Variants in PKNOX2 observed in about 807,000 individuals in gnomAD.
PKNOX2 encodes PBX/knotted 1 homeobox 2, also known as homeobox protein PKNOX2.
PKNOX2 carries 14 observed loss-of-function variants against 53.1 expected under a neutral mutation model. That is an observed-to-expected ratio of 0.26 (90% CI 0.17 to 0.41). The LOEUF (loss-of-function observed/expected upper bound fraction) is 0.41, where lower values mean the gene tolerates loss of function less well. PKNOX2 is among the 10% of genes least tolerant of loss of function. The probability of loss-of-function intolerance (pLI) is 1.00; values close to 1 mark genes in which losing one functional copy is unlikely to be tolerated. For missense variants in PKNOX2, 496 were observed against 602.8 expected, an observed-to-expected ratio of 0.82 and a Z score of 1.85; for synonymous variants, 257 against 242.8, an observed-to-expected ratio of 1.06 and a Z score of -0.54.
chr11:125,409,729 C>G (rs1297860690), intron 7 of PKNOX2, among the ~76,000 whole-genome samples: 2 of 152,014 alleles, frequency 1.3e-5, no homozygotes, highest in Non-Finnish European at 2.9e-5. Context: ...CAGGTGAAGC[C>G]ATTTTCTCAG....
chr11:125,225,963 C>A (rs1941647130), intron 1 of PKNOX2, among the ~76,000 whole-genome samples: 1 of 152,212 alleles, frequency 6.6e-6, no homozygotes, highest in Non-Finnish European at 1.5e-5. Flanking sequence ...CAACCTGTAG[C>A]CCATCCACAT....
intron 2 of PKNOX2, among the ~76,000 whole-genome samples, chr11:125,309,386 A>AG (rs1948668035): frequency 7.7e-6 from 1 of 129,598 alleles, no homozygotes; most frequent in Non-Finnish European, 1.6e-5. Context: ...TAACAGTACC[A>AG]ATTTTTTTTT....
chr11:125,302,450 C>A (rs182706909), intron 2 of PKNOX2, among the ~76,000 whole-genome samples: 8 of 152,334 alleles, frequency 5.3e-5, no homozygotes, highest in African/African-American at 1.9e-4. Context: ...GGGCTGCACA[C>A]TACCCCTCAC....
chr11:125,259,890 T>TA (rs1944704185), intron 2 of PKNOX2, among the ~76,000 whole-genome samples: 3 of 151,926 alleles, frequency 2.0e-5, no homozygotes, highest in Admixed American at 2.0e-4. Context: ...TTTTTTTTTT[T>TA]TAAAGAGACA....
intron 1 of PKNOX2, among the ~76,000 whole-genome samples, chr11:125,174,725 C>A (rs1398136001): frequency 6.6e-6 from 1 of 152,050 alleles, no homozygotes; most frequent in African/African-American, 2.4e-5. Flanking sequence ...CTGCAGAGTC[C>A]CCCAGCTTCC....
intron 5 of PKNOX2, among the ~76,000 whole-genome samples, chr11:125,377,896 C>T (rs1222438986): frequency 6.6e-6 from 1 of 152,228 alleles, no homozygotes; most frequent in African/African-American, 2.4e-5. Flanking sequence ...GCTGGACAAG[C>T]TTGATCTAGG....
In PKNOX2 at chr11:125,170,655, C is replaced by T. The variant is rs907355172; in HGVS notation, c.-201+5879C>T. Among the ~76,000 whole-genome samples, 11 of 152,318 alleles carry T rather than the reference C, an allele frequency of 7.2e-5. No homozygotes were observed. In the South Asian group the frequency reaches 1.7e-3, roughly 23 times the overall value. On this transcript the variant is annotated intron_variant, in intron 1 of 12. Transcript: ENST00000298282. ...CCCGGCCTGCCTGGGTTTCTAATTA[C>T]AAGAAGGACGTTTCTGCTAAGACCT...
chr11:125,167,452 C>G (rs1027681020), intron 1 of PKNOX2, among the ~76,000 whole-genome samples: 9 of 151,992 alleles, frequency 5.9e-5, no homozygotes, highest in Non-Finnish European at 1.0e-4. Context: ...GCTGAGAGCC[C>G]GAGGGGGGAG....
intron 2 of PKNOX2, among the ~76,000 whole-genome samples, chr11:125,269,556 C>G (rs1481005373): frequency 6.6e-6 from 1 of 152,214 alleles, no homozygotes; most frequent in Non-Finnish European, 1.5e-5. Flanking sequence ...GGCAGAGGCA[C>G]GACCAAGTCT....
chr11:125,392,656 C>T (rs533562365), intron 6 of PKNOX2, among the ~76,000 whole-genome samples: 1 of 152,094 alleles, frequency 6.6e-6, no homozygotes, highest in South Asian at 2.1e-4. Context: ...GTTTTACTTA[C>T]CTGTATTTTC....
intron 1 of PKNOX2, among the ~76,000 whole-genome samples, chr11:125,224,002 C>T (rs6590140): frequency 0.016 from 2,441 of 152,366 alleles, 63 homozygotes; most frequent in African/African-American, 0.055. Flanking sequence ...GGCGATCTTG[C>T]ACATGAGTCT....
intron 2 of PKNOX2, among the ~76,000 whole-genome samples, chr11:125,238,495 A>G (rs935986360): frequency 6.6e-6 from 1 of 152,180 alleles, no homozygotes; most frequent in Non-Finnish European, 1.5e-5. Flanking sequence ...CTAGGAAGTA[A>G]CAGAATTGAA....
intron 2 of PKNOX2, among the ~76,000 whole-genome samples, chr11:125,300,767 G>A (rs1948003791): frequency 6.6e-6 from 1 of 152,172 alleles, no homozygotes; most frequent in African/African-American, 2.4e-5. Context: ...GATCCCAACA[G>A]GCAGGGCCCT....
rs1304950724 is a variant in PKNOX2, at chr11:125,385,435, G to A, written c.228-116G>A. On this transcript the variant is annotated intron_variant, in intron 5 of 12. Coordinates refer to ENST00000298282, the MANE Select transcript of PKNOX2 (RefSeq NM_001382323.2). The stretch of plus-strand genomic sequence containing the variant: ...TAGGGACTGGGGATGTTATCAAGGA[G>A]TGGGACCTTGGGAGAAGTGAGGGGA... 10 of 1,202,462 alleles carry A rather than the reference G, an allele frequency of 8.3e-6. No homozygotes were observed. In the East Asian group the frequency reaches 2.6e-4, roughly 31 times the overall value. 74.5% of individuals were successfully genotyped at this position (1,202,462 alleles called of 1,614,324 possible). A position where few individuals can be genotyped will look rare whatever the true frequency, so the allele number is the denominator to read the frequency against.
intron 2 of PKNOX2, among the ~76,000 whole-genome samples, chr11:125,243,232 T>C (rs1466277993): frequency 6.6e-6 from 1 of 152,218 alleles, no homozygotes. Context: ...CTGGGACTTG[T>C]AGAGCAATGG....
chr11:125,318,544 A>C (rs1425244953), intron 2 of PKNOX2, among the ~76,000 whole-genome samples: 4 of 152,290 alleles, frequency 2.6e-5, no homozygotes, highest in African/African-American at 4.8e-5. Flanking sequence ...TCTTCTATCC[A>C]GACCATTCAA....
chr11:125,367,015 AAG>A (rs1371576681), intron 4 of PKNOX2, among the ~76,000 whole-genome samples: 15 of 152,216 alleles, frequency 9.9e-5, no homozygotes, highest in African/African-American at 3.6e-4. Context: ...AGGGTGATGT[AAG>A]AGAACAGTTG....
At chr11:125,183,183 A>C (rs1956246601) in intron 1 of PKNOX2, among the ~76,000 whole-genome samples, 1 of 146,170 alleles carries the variant, frequency 6.8e-6, no homozygotes, top group African/African-American at 2.6e-5. Context: ...TGGTGGCTGT[A>C]GCATGCGATG....
chr11:125,373,645 C>T (rs775996252), intron 5 of PKNOX2, among the ~76,000 whole-genome samples: 5 of 152,152 alleles, frequency 3.3e-5, no homozygotes, highest in Non-Finnish European at 7.3e-5. Context: ...TGAGAGGCGG[C>T]GCAGCAAGAG....
Sources: gnomAD v4.1 joint callset for allele counts (sites outside exome capture counted in the v4.1 genomes callset) on GRCh38, gnomAD v4.1.1 for gene constraint, MANE v1.5 for transcripts, NCBI Gene and HGNC (gene_info 2026-07-23, HGNC 2026-07-21) for gene names.